Variants in ANK2 observed in about 807,000 individuals in gnomAD.
ANK2 encodes ankyrin-2.
ANK2 carries 83 observed loss-of-function variants against 360.5 expected under a neutral mutation model. That is an observed-to-expected ratio of 0.23 (90% CI 0.19 to 0.28). The LOEUF is 0.28. Among genes scored for constraint, ANK2 ranks in the 10% least tolerant of loss-of-function variants. The pLI is 1.00. For synonymous variants in ANK2, 1,740 were observed against 1,759.5 expected (o/e 0.99, Z 0.28); for missense variants, 4,201 against 4,795.7 (o/e 0.88, Z 3.66).
intron 39 of ANK2, 144 bp downstream of exon 39, chr4:113,361,041 G>A (rs1278649465): frequency 9.0e-6 from 7 of 776,932 alleles, no homozygotes; most frequent in Non-Finnish European, 1.5e-5. Context: ...GAAAACCTGG[G>A]CTCTGCATCA....
At chr4:112,710,647 G>A in the ANK2 span, among the ~76,000 whole-genome samples, 2 of 151,058 alleles carry the variant, frequency 1.3e-5, no homozygotes, top group Non-Finnish European at 2.9e-5. Flanking sequence ...GCAGTGAGCC[G>A]AGATTGCACC....
At chr4:113,247,991 G>A (rs1187711531) in intron 9 of ANK2, among the ~76,000 whole-genome samples, 1 of 152,084 alleles carries the variant, frequency 6.6e-6, no homozygotes, top group Non-Finnish European at 1.5e-5. Flanking sequence ...ACTCTTTAAG[G>A]CTCCTATCTG....
intron 13 of ANK2, among the ~76,000 whole-genome samples, chr4:113,264,114 T>C (rs2054568274): frequency 6.6e-6 from 1 of 152,186 alleles, no homozygotes; most frequent in South Asian, 2.1e-4. Flanking sequence ...CTGTCTATAA[T>C]TAAATATGCT....
At chr4:112,812,775 T>G in the ANK2 span, among the ~76,000 whole-genome samples, 1 of 152,198 alleles carries the variant, frequency 6.6e-6, no homozygotes, top group African/African-American at 2.4e-5. Flanking sequence ...CCTCTCCACG[T>G]TGATTCCTGT....
chr4:113,336,330 T>C, intron 30 of ANK2: 1 of 579,248 alleles, frequency 1.7e-6, no homozygotes, highest in Non-Finnish European at 3.0e-6. Context: ...AAATGAGAAA[T>C]AAATTGTTAA....
chr4:112,754,590 T>A, the ANK2 span, among the ~76,000 whole-genome samples: 3 of 151,760 alleles, frequency 2.0e-5, no homozygotes, highest in African/African-American at 4.8e-5. Context: ...AAAGTACAGA[T>A]TTTTAGCTTA....
At position 113,204,831 on chromosome 4, in the gene ANK2, C is replaced by T. The variant is rs187234869; in HGVS notation, c.384+5722C>T. Among the ~76,000 whole-genome samples the T allele has an allele frequency of 1.5e-3, 226 of 152,252 alleles. 1 individual carries two copies. Among genetic ancestry groups the T allele is most frequent in the African/African-American group, 5.0e-3 (208 of 41,556 alleles). ...ACTAAGAGCCTTCCGCAAAGCTAGGCAACTAGTGAGTAAAGCGATTCAGGT... is the reference window on the plus strand; with the variant it reads ...ACTAAGAGCCTTCCGCAAAGCTAGGTAACTAGTGAGTAAAGCGATTCAGGT... On this transcript the variant is annotated intron_variant, in intron 4 of 45. Transcript: ENST00000357077.
At position 113,357,799 on chromosome 4, in the gene ANK2, G is replaced by C; in HGVS notation, c.9181G>C (p.Glu3061Gln). ...TGAAGCCTTTGAGGCTCGTGTGAAA[G>C]AGGAAGAACAAAAGATATTTGGTTT... is the stretch of plus-strand genomic sequence containing the variant. ...DDEAFEARVK[E>Q]EEQKIFGLMV... The change falls in exon 38 of 46, where the codon GAG becomes CAG. Residue 3061 changes from glutamate to glutamine, a missense_variant. Glu to Gln is a conservative substitution (Grantham distance 29, BLOSUM62 2). Transcript: ENST00000357077. 1.2e-6 allele frequency: 2 copies of C among 1,613,936 alleles called. No homozygotes were observed. The highest frequency in any genetic ancestry group is 1.7e-6 in the Non-Finnish European group (2 of 1,179,916).
At chr4:112,752,714 G>A in the ANK2 span, among the ~76,000 whole-genome samples, 950 of 152,076 alleles carry the variant, frequency 6.2e-3, 5 homozygotes, top group Non-Finnish European at 0.01. Context: ...TCTCTCAGTT[G>A]CCCCAGCTGC....
chr4:113,167,399 G>A (rs1035264613), intron 1 of ANK2, among the ~76,000 whole-genome samples: 1 of 150,790 alleles, frequency 6.6e-6, no homozygotes. Context: ...TCCCGGATCC[G>A]AGCGATTCCC....
At chr4:112,827,622 A>C (rs2058682591) in intron 1 of ANK2, 1 of 835,726 alleles carries the variant, frequency 1.2e-6, no homozygotes, top group Non-Finnish European at 2.0e-6. Flanking sequence ...TCTACTCTCC[A>C]TCCAGATCCT....
chr4:113,172,130 T>C (rs1235072713), intron 1 of ANK2, among the ~76,000 whole-genome samples: 1 of 152,222 alleles, frequency 6.6e-6, no homozygotes, highest in Admixed American at 6.5e-5. Context: ...TTCTAAGTAG[T>C]TCATCTCAGA....
chr4:113,159,782 A>G (rs1406430696), intron 1 of ANK2, among the ~76,000 whole-genome samples: 1 of 150,856 alleles, frequency 6.6e-6, no homozygotes, highest in Non-Finnish European at 1.5e-5. Context: ...TAATTTTTAT[A>G]TATATATATG....
intron 1 of ANK2, among the ~76,000 whole-genome samples, chr4:112,822,789 G>C (rs1203459878): frequency 6.6e-6 from 1 of 150,468 alleles, no homozygotes; most frequent in African/African-American, 2.4e-5. Context: ...AAGAAAGAAA[G>C]ATTTAAAAGA....
chr4:113,144,863 T>A (rs2096770517), intron 1 of ANK2, among the ~76,000 whole-genome samples: 1 of 149,136 alleles, frequency 6.7e-6, no homozygotes, highest in Non-Finnish European at 1.5e-5. Context: ...GAAACCCTAA[T>A]GGAGGAATAA....
chr4:112,915,547 TCAA>T, intron 2 of ANK2, among the ~76,000 whole-genome samples: 1 of 151,984 alleles, frequency 6.6e-6, no homozygotes, highest in East Asian at 1.9e-4. Context: ...GTCCAGGAGT[TCAA>T]CACCAGCCTC....
intron 2 of ANK2, among the ~76,000 whole-genome samples, chr4:113,178,361 G>A (rs2098295136): frequency 6.6e-6 from 1 of 152,098 alleles, no homozygotes; most frequent in African/African-American, 2.4e-5. Flanking sequence ...CCTGAGATCA[G>A]GAGTTCGAGA....
chr4:112,707,630 A>G, the ANK2 span, among the ~76,000 whole-genome samples: 1 of 152,188 alleles, frequency 6.6e-6, no homozygotes, highest in Non-Finnish European at 1.5e-5. Context: ...ATTTTAAGCA[A>G]AAAATTATTT....
At chr4:112,988,740 TA>T (rs1262470514) in intron 2 of ANK2, among the ~76,000 whole-genome samples, 2 of 152,246 alleles carry the variant, frequency 1.3e-5, no homozygotes, top group African/African-American at 4.8e-5. Flanking sequence ...TGGAACCTAG[TA>T]GTAATCCTTT....
Sources: gnomAD v4.1 joint callset for allele counts (sites outside exome capture counted in the v4.1 genomes callset) on GRCh38, gnomAD v4.1.1 for gene constraint, MANE v1.5 for transcripts, NCBI Gene and HGNC (gene_info 2026-07-23, HGNC 2026-07-21) for gene names.